OR8G1: variants seen among roughly 807,000 people sequenced by gnomAD.
The protein encoded by OR8G1 is olfactory receptor 8G1.
For missense variants in OR8G1, 372 were observed against 356.2 expected, an observed-to-expected ratio of 1.04 and a Z score of -0.36; for synonymous variants, 129 against 133.3, an observed-to-expected ratio of 0.97 and a Z score of 0.22.
In OR8G1 at chr11:124,251,500, C is replaced by T. The variant is rs1861867403; in HGVS notation, c.*889C>T. ...TATAATATAACTGGTAACATTCTGA[C>T]CTATTCTATGCTAAGATGTATGTGT... On this transcript the variant is annotated 3_prime_UTR_variant, in exon 3 of 3. Coordinates refer to ENST00000641972, the MANE Select transcript of OR8G1 (RefSeq NM_001002905.2). The T allele has an allele frequency of 3.4e-6, 2 of 586,478 alleles. 1 individual carries two copies. The highest frequency in any genetic ancestry group is 5.4e-6 in the Non-Finnish European group (2 of 368,738). 36.3% of individuals were successfully genotyped at this position (586,478 alleles called of 1,614,324 possible). A position where few individuals can be genotyped will look rare whatever the true frequency, so the allele number is the denominator to read the frequency against.
chr11:124,249,030 A>T (rs1861838222), intron 2 of OR8G1, among the ~76,000 whole-genome samples: 2 of 152,144 alleles, frequency 1.3e-5, no homozygotes, highest in Admixed American at 1.3e-4. Context: ...TGTCCATTTA[A>T]CCACTACTAA....
Position 124,250,644 on chromosome 11 carries a change from T to A in OR8G1, c.*33T>A. 1.9e-6 allele frequency: 1 copy of A among 518,272 alleles called. No individual in the cohort carries two copies. The highest frequency in any genetic ancestry group is 3.0e-6 in the Non-Finnish European group (1 of 327,960). 32.1% of individuals were successfully genotyped at this position (518,272 alleles called of 1,614,324 possible). ...TAATAAGAAGATGATATATTAATCC[T>A]AAGTAGTGGACTGTTACATTGTATG... On this transcript the variant is annotated 3_prime_UTR_variant, in exon 3 of 3. Coordinates refer to ENST00000641972, the MANE Select transcript of OR8G1 (RefSeq NM_001002905.2).
rs1861877731 is a variant in OR8G1, at chr11:124,252,881, G to A, written c.*2270G>A. The stretch of plus-strand genomic sequence containing the variant: ...TTGCTCTTGGGGTCACCTTTACCCA[G>A]TAACAGTGAAAATTGTGTGTAATGC... On this transcript the variant is annotated 3_prime_UTR_variant, in exon 3 of 3. Coordinates refer to ENST00000641972, the MANE Select transcript of OR8G1 (RefSeq NM_001002905.2). 1 of 152,166 alleles carries A rather than the reference G, an allele frequency of 6.6e-6. No individual in the cohort carries two copies. The highest frequency in any genetic ancestry group is 6.6e-5 in the Admixed American group (1 of 15,264). 9.4% of individuals were successfully genotyped at this position (152,166 alleles called of 1,614,324 possible). A position where few individuals can be genotyped will look rare whatever the true frequency, so the allele number is the denominator to read the frequency against.
At chr11:124,248,146 T>G (rs999252666) in intron 2 of OR8G1, among the ~76,000 whole-genome samples, 2 of 152,018 alleles carry the variant, frequency 1.3e-5, no homozygotes, top group Non-Finnish European at 2.9e-5. Flanking sequence ...ACTTAAGGAC[T>G]ATTCATACAT....
In OR8G1 at chr11:124,251,506, C is replaced by A. The variant is rs2466706; in HGVS notation, c.*895C>A. ...ATAACTGGTAACATTCTGACCTATT[C>A]TATGCTAAGATGTATGTGTATTTGT... On this transcript the variant is annotated 3_prime_UTR_variant, in exon 3 of 3. Coordinates refer to ENST00000641972, the MANE Select transcript of OR8G1 (RefSeq NM_001002905.2). 466,638 of 541,054 alleles carry A rather than the reference C, an allele frequency of 0.86. 214,896 individuals carry two copies. The highest frequency in any genetic ancestry group is 0.97 in the South Asian group (43,719 of 45,168). 33.5% of individuals were successfully genotyped at this position (541,054 alleles called of 1,614,324 possible). A position where few individuals can be genotyped will look rare whatever the true frequency, so the allele number is the denominator to read the frequency against.
In OR8G1 at chr11:124,252,979, T is replaced by C. The variant is rs1861878329; in HGVS notation, c.*2368T>C. 6.6e-6 allele frequency: 1 copy of C among 152,138 alleles called. No homozygotes were observed. Among genetic ancestry groups the C allele is most frequent in the Non-Finnish European group, 1.5e-5 (1 of 68,018 alleles). 9.4% of individuals were successfully genotyped at this position (152,138 alleles called of 1,614,324 possible). On this transcript the variant is annotated 3_prime_UTR_variant, in exon 3 of 3. Transcript: ENST00000641972. ...CACTTCTGAGGAAGTGCTGGTAAAATTGAACCACCATTGCTCATACCAGCT... is the reference window on the plus strand; with the variant it reads ...CACTTCTGAGGAAGTGCTGGTAAAACTGAACCACCATTGCTCATACCAGCT...
At chr11:124,244,217 C>T (rs561322608) in intron 1 of OR8G1, among the ~76,000 whole-genome samples, 104 of 151,996 alleles carry the variant, frequency 6.8e-4, no homozygotes, top group African/African-American at 2.4e-3. Context: ...AAAATGTTTA[C>T]TGGAACTATT....
Position 124,245,873 on chromosome 11 carries a change from C to T in OR8G1, c.-96-1928C>T, listed in dbSNP as rs574667350. 3.2e-3 allele frequency among the ~76,000 whole-genome samples: 480 copies of T among 151,108 alleles called. 2 individuals carry two copies. Among genetic ancestry groups the T allele is most frequent in the Non-Finnish European group, 6.1e-3 (413 of 67,798 alleles). ...GTTTGATGGGGTTGTTTGTTTTTTT[C>T]TTGTAAATTTGTTTTGAGTTCATTG... is the stretch of plus-strand genomic sequence containing the variant. On this transcript the variant is annotated intron_variant, in intron 1 of 2. Transcript: ENST00000641972.
At chr11:124,241,496 C>A (rs11219524) in intron 1 of OR8G1, 132 bp downstream of exon 1, 1 of 151,938 alleles carries the variant, frequency 6.6e-6, no homozygotes, top group Non-Finnish European at 1.5e-5. Flanking sequence ...CTTTTAAACC[C>A]TCTTCAGTGG....
rs1478030414 is a variant in OR8G1 at position 124,253,262 on chromosome 11, A to G, written c.*2651A>G. 6.6e-6 allele frequency: 1 copy of G among 152,126 alleles called. No homozygotes were observed. Among genetic ancestry groups the G allele is most frequent in the Non-Finnish European group, 1.5e-5 (1 of 68,046 alleles). 9.4% of individuals were successfully genotyped at this position (152,126 alleles called of 1,614,324 possible). On this transcript the variant is annotated 3_prime_UTR_variant, in exon 3 of 3. Coordinates refer to ENST00000641972, the MANE Select transcript of OR8G1 (RefSeq NM_001002905.2). ...AAGGAGAAACCTCATTTCTGCAGAA[A>G]ATACAAAAATTAGCTGGGCATGGTG...
Position 124,252,256 on chromosome 11 carries a change from A to T in OR8G1, c.*1645A>T, listed in dbSNP as rs562365517. 1 of 152,102 alleles carries T rather than the reference A, an allele frequency of 6.6e-6. No individual in the cohort carries two copies. The highest frequency in any genetic ancestry group is 1.5e-5 in the Non-Finnish European group (1 of 68,020). The allele number at this position is 152,102 out of a possible 1,614,324, so 9.4% of individuals were successfully genotyped here. On this transcript the variant is annotated 3_prime_UTR_variant, in exon 3 of 3. Coordinates refer to ENST00000641972, the MANE Select transcript of OR8G1 (RefSeq NM_001002905.2). Reference sequence around the variant, plus strand: ...TCTGGGAAGATTCAACTGTTAATCTATTTCTTCCATGTGGAGCCAAGTTAA... The same window carrying T: ...TCTGGGAAGATTCAACTGTTAATCTTTTTCTTCCATGTGGAGCCAAGTTAA...
rs1313430686 is a variant in OR8G1, at chr11:124,250,195, A to T, written c.520A>T (p.Ile174Phe). Residue 174 changes from isoleucine to phenylalanine, a missense_variant, in exon 3 of 3, where the codon ATT (isoleucine) becomes TTT (phenylalanine). Coordinates refer to ENST00000641972, the MANE Select transcript of OR8G1 (RefSeq NM_001002905.2). ...FRVQFCKFDL[I>F]NHYFCDLLPL... Reference sequence around the variant, plus strand: ...GGTTCAATTCTGCAAATTTGATTTGATTAACCATTATTTCTGTGATCTTCT... The same window carrying T: ...GGTTCAATTCTGCAAATTTGATTTGTTTAACCATTATTTCTGTGATCTTCT... The T allele has an allele frequency of 1.9e-6, 3 of 1,613,600 alleles. No individual in the cohort carries two copies. The highest frequency in any genetic ancestry group is 2.7e-5 in the African/African-American group (2 of 74,880).
chr11:124,250,323 C>A lies in OR8G1; in HGVS notation c.648C>A (p.Cys216Ter). Residue 216 changes from cysteine to a stop codon, truncating the protein, a stop_gained, in exon 3 of 3, where the codon TGC (cysteine) becomes TGA (stop). Coordinates refer to ENST00000641972, the MANE Select transcript of OR8G1 (RefSeq NM_001002905.2). LOFTEE classifies it low-confidence loss of function (END_TRUNC). ...NILVPSLTIL[C>*]SYIFIIASIL... ...TTGTCCCCAGCCTGACCATCCTTTG[C>A]TCTTACATCTTTATTATTGCCAGCA... 6.2e-7 allele frequency: 1 copy of A among 1,613,802 alleles called. No homozygotes were observed. The highest frequency in any genetic ancestry group is 8.5e-7 in the Non-Finnish European group (1 of 1,179,818).
At position 124,253,209 on chromosome 11, in the gene OR8G1, T is replaced by C. The variant is rs11219536; in HGVS notation, c.*2598T>C. 45,014 of 152,048 alleles carry C rather than the reference T, an allele frequency of 0.3. 6,642 individuals carry two copies. Among genetic ancestry groups the C allele is most frequent in the South Asian group, 0.39 (1,884 of 4,810 alleles). The allele number at this position is 152,048 out of a possible 1,614,324, so 9.4% of individuals were successfully genotyped here. On this transcript the variant is annotated 3_prime_UTR_variant, in exon 3 of 3. Transcript: ENST00000641972. The stretch of plus-strand genomic sequence containing the variant: ...GCTGAGGTGGGTGAATCACTTCTGT[T>C]CAGGAGTTTGAGACCAGCCTGGGCA...
intron 1 of OR8G1, among the ~76,000 whole-genome samples, chr11:124,246,147 A>C (rs10790658): frequency 0.37 from 56,398 of 151,568 alleles, 10,705 homozygotes; most frequent in East Asian, 0.47. Context: ...TTATGGTTTT[A>C]TGTCTAACAT....
At position 124,249,900 on chromosome 11, in the gene OR8G1, T is replaced by G. The variant is rs1281372232; in HGVS notation, c.225T>G (p.Thr75=). ...CCTTCATTGACTTCTGCCATTCCACTGTCATTACCCCTAAGATGCTGGTGA... is the reference window on the plus strand; with the variant it reads ...CCTTCATTGACTTCTGCCATTCCACGGTCATTACCCCTAAGATGCTGGTGA... ...SLSFIDFCHS[T]VITPKMLVNF... The change falls in exon 3 of 3, where the codon ACT becomes ACG. Residue 75 remains threonine, a synonymous_variant. Transcript: ENST00000641972. 6.2e-7 allele frequency: 1 copy of G among 1,614,054 alleles called. No individual in the cohort carries two copies. The highest frequency in any genetic ancestry group is 2.2e-5 in the East Asian group (1 of 44,866).
rs1411931867 is a variant in OR8G1, at chr11:124,250,622, TAAG to T, written c.*16_*18del. ...AGAACATTATTGTAAACAGTAATAA[TAAG>T]AAGATGATATATTAATCCTAAGTAG... On this transcript the variant is annotated 3_prime_UTR_variant, in exon 3 of 3. Transcript: ENST00000641972. 1.9e-4 allele frequency: 117 copies of T among 630,186 alleles called. 27 individuals carry two copies. The highest frequency in any genetic ancestry group is 1.1e-3 in the Admixed American group (34 of 31,166). 39.0% of individuals were successfully genotyped at this position (630,186 alleles called of 1,614,324 possible).
At chr11:124,248,098 C>T (rs1391455976) in intron 2 of OR8G1, among the ~76,000 whole-genome samples, 6 of 151,896 alleles carry the variant, frequency 4.0e-5, no homozygotes, top group African/African-American at 9.7e-5. Context: ...TTTTAACTTT[C>T]ATTTCTTTGA....
In OR8G1 at chr11:124,253,721, AC is replaced by A. The variant is rs1472171643; in HGVS notation, c.*3111del. ...TCCTTTGACCAACATCTCCTCCCAC[AC>A]GCCCAGCTGCAGATAAACACAATTC... On this transcript the variant is annotated 3_prime_UTR_variant, in exon 3 of 3. Transcript: ENST00000641972. 6.6e-6 allele frequency: 1 copy of A among 152,108 alleles called. No homozygotes were observed. Among genetic ancestry groups the A allele is most frequent in the African/African-American group, 2.4e-5 (1 of 41,432 alleles). The allele number at this position is 152,108 out of a possible 1,614,324, so 9.4% of individuals were successfully genotyped here. A position where few individuals can be genotyped will look rare whatever the true frequency, so the allele number is the denominator to read the frequency against.
Sources: gnomAD v4.1 joint callset for allele counts (sites outside exome capture counted in the v4.1 genomes callset) on GRCh38, gnomAD v4.1.1 for gene constraint, MANE v1.5 for transcripts, NCBI Gene and HGNC (gene_info 2026-07-23, HGNC 2026-07-21) for gene names.